HPSE2: variants seen among roughly 807,000 people sequenced by gnomAD.
The protein encoded by HPSE2 is heparanase 2 (inactive).
HPSE2 carries 38 observed loss-of-function variants against 60.5 expected under a neutral mutation model. The observed-to-expected ratio is 0.63, with a 90% CI of 0.48 to 0.82. The LOEUF is 0.82. Ranked by LOEUF, HPSE2 falls within the 40% of genes least tolerant of loss-of-function variation. The pLI, the probability that HPSE2 is intolerant of heterozygous loss-of-function variation, is 0.00. For missense variants in HPSE2, 713 were observed against 740.4 expected (o/e 0.96, Z 0.43); for synonymous variants, 295 against 293.2 (o/e 1.01, Z -0.06).
chr10:99,167,055 G>C (rs1261794972), intron 2 of HPSE2, among the ~76,000 whole-genome samples: 1 of 151,778 alleles, frequency 6.6e-6, no homozygotes, highest in Non-Finnish European at 1.5e-5. Context: ...CTGTTGCCCA[G>C]GCTGGAGTAC....
intron 3 of HPSE2, among the ~76,000 whole-genome samples, chr10:98,754,553 A>T (rs1162260129): frequency 6.6e-6 from 1 of 151,592 alleles, no homozygotes; most frequent in Admixed American, 6.6e-5. Context: ...CAAGGCACAC[A>T]GTCATCAGAT....
chr10:99,197,260 T>C lies in HPSE2; in HGVS notation c.448+35088A>G, dbSNP rs180923439. The stretch of plus-strand genomic sequence containing the variant: ...GGGTTGGCAGGGAGGTGAAGATGGT[T>C]AATGGGTACAAAAAAATAGAAAGAA... On this transcript the variant is annotated intron_variant, in intron 2 of 11. Coordinates refer to ENST00000370552, the MANE Select transcript of HPSE2 (RefSeq NM_021828.5). Among the ~76,000 whole-genome samples the C allele has an allele frequency of 5.9e-5, 9 of 152,198 alleles. No individual in the cohort carries two copies. The East Asian group carries it at 1.7e-3, about 29-fold the overall frequency.
intron 3 of HPSE2, among the ~76,000 whole-genome samples, chr10:99,115,672 C>A (rs964288269): frequency 6.6e-6 from 1 of 152,064 alleles, no homozygotes; most frequent in South Asian, 2.1e-4. Context: ...TAATTATAAC[C>A]TTTTTCCCAT....
rs559483105 is a variant in HPSE2 at position 99,038,757 on chromosome 10, C to T, written c.610+105481G>A. Among the ~76,000 whole-genome samples the T allele has an allele frequency of 2.6e-5, 4 of 152,128 alleles. No homozygotes were observed. The South Asian group carries it at 8.3e-4, about 32-fold the overall frequency. ...AAGCCGGGTGAAGGATATAGGAGAC[C>T]GCTCTCTATTATCTTTGCAACTTCC... On this transcript the variant is annotated intron_variant, in intron 3 of 11. Coordinates refer to ENST00000370552, the MANE Select transcript of HPSE2 (RefSeq NM_021828.5).
At chr10:98,600,897 A>G (rs1431149194) in intron 9 of HPSE2, among the ~76,000 whole-genome samples, 9 of 40,800 alleles carry the variant, frequency 2.2e-4, no homozygotes, top group East Asian at 8.3e-4. Context: ...ATATACGTAT[A>G]TATATGTGTG....
intron 3 of HPSE2, among the ~76,000 whole-genome samples, chr10:98,843,458 TA>T (rs1951966151): frequency 6.6e-6 from 1 of 152,228 alleles, no homozygotes; most frequent in Admixed American, 6.5e-5. Flanking sequence ...GAAACAATGA[TA>T]TACTTAATTC....
At chr10:98,776,762 T>C (rs1372358290) in intron 3 of HPSE2, among the ~76,000 whole-genome samples, 4 of 151,208 alleles carry the variant, frequency 2.6e-5, no homozygotes. Context: ...GCATACACAT[T>C]ATTGAATAAT....
chr10:98,755,521 A>G (rs1477985400), intron 3 of HPSE2, among the ~76,000 whole-genome samples: 2 of 152,228 alleles, frequency 1.3e-5, no homozygotes, highest in Non-Finnish European at 2.9e-5. Flanking sequence ...AAATGGACCT[A>G]ACAGATATCT....
chr10:99,085,353 C>T (rs995761699), intron 3 of HPSE2, among the ~76,000 whole-genome samples: 5 of 152,186 alleles, frequency 3.3e-5, no homozygotes, highest in African/African-American at 1.2e-4. Context: ...CAGTATGTCC[C>T]AGCACCATAG....
intron 9 of HPSE2, among the ~76,000 whole-genome samples, chr10:98,597,463 G>A (rs1338761435): frequency 5.3e-5 from 8 of 150,494 alleles, no homozygotes; most frequent in Non-Finnish European, 1.0e-4. Context: ...TCAGGAGTTC[G>A]AGACCAGCCT....
At chr10:99,021,686 T>C (rs958151915) in intron 3 of HPSE2, among the ~76,000 whole-genome samples, 3 of 152,170 alleles carry the variant, frequency 2.0e-5, no homozygotes, top group Non-Finnish European at 4.4e-5. Context: ...ATTTCTTCTC[T>C]GATGTCCTTA....
In HPSE2 at chr10:98,542,536, T is replaced by C. The variant is rs536402346; in HGVS notation, c.1321-52340A>G. On this transcript the variant is annotated intron_variant, in intron 9 of 11. Transcript: ENST00000370552. ...CAGACAATCAAATTACTCCGAGCTA[T>C]GGGAGGACATTCAAACCAAAGGCAA... 1.6e-3 allele frequency among the ~76,000 whole-genome samples: 249 copies of C among 151,876 alleles called. 1 individual carries two copies. Among genetic ancestry groups the C allele is most frequent in the African/African-American group, 5.6e-3 (233 of 41,452 alleles).
chr10:98,778,895 A>G (rs1232221927), intron 3 of HPSE2, among the ~76,000 whole-genome samples: 2 of 152,214 alleles, frequency 1.3e-5, no homozygotes, highest in African/African-American at 2.4e-5. Flanking sequence ...AGGAGAAATT[A>G]TCTTAAAGAA....
intron 2 of HPSE2, among the ~76,000 whole-genome samples, chr10:99,209,280 A>T (rs937901656): frequency 6.6e-6 from 1 of 152,238 alleles, no homozygotes; most frequent in Non-Finnish European, 1.5e-5. Context: ...GACTGAAATC[A>T]TATCAAATAT....
intron 2 of HPSE2, among the ~76,000 whole-genome samples, chr10:99,164,008 A>G (rs1225528475): frequency 6.6e-6 from 1 of 151,714 alleles, no homozygotes; most frequent in Non-Finnish European, 1.5e-5. Flanking sequence ...CTTTGTAATT[A>G]ATGAATATTT....
At chr10:98,479,365 A>G (rs1445739098) in intron 11 of HPSE2, among the ~76,000 whole-genome samples, 1 of 152,202 alleles carries the variant, frequency 6.6e-6, no homozygotes, top group Non-Finnish European at 1.5e-5. Flanking sequence ...CACAGAACAC[A>G]GAGTCTGGCC....
chr10:98,724,643 G>A (rs1949021642), intron 4 of HPSE2, among the ~76,000 whole-genome samples: 1 of 152,044 alleles, frequency 6.6e-6, no homozygotes, highest in Non-Finnish European at 1.5e-5. Flanking sequence ...TATGAATCTG[G>A]GTGCTCCTGT....
intron 3 of HPSE2, among the ~76,000 whole-genome samples, chr10:98,916,412 C>G (rs1381567371): frequency 6.6e-6 from 1 of 152,194 alleles, no homozygotes; most frequent in Admixed American, 6.5e-5. Context: ...TTTTAAAAAA[C>G]TAGTTTATTA....
intron 9 of HPSE2, among the ~76,000 whole-genome samples, chr10:98,491,969 G>A (rs1346578821): frequency 6.6e-6 from 1 of 152,188 alleles, no homozygotes; most frequent in East Asian, 1.9e-4. Flanking sequence ...TAGAACACAA[G>A]AACAGCAAAT....
Sources: gnomAD v4.1 joint callset for allele counts (sites outside exome capture counted in the v4.1 genomes callset) on GRCh38, gnomAD v4.1.1 for gene constraint, MANE v1.5 for transcripts, NCBI Gene and HGNC (gene_info 2026-07-23, HGNC 2026-07-21) for gene names.